The following HS6ST3 variants were observed in gnomAD, a reference collection of about 807,000 sequenced individuals.
HS6ST3 encodes heparan-sulfate 6-O-sulfotransferase 3.
Under a neutral mutation model 36.7 loss-of-function variants are expected in HS6ST3, and 12 were observed. That is an observed-to-expected ratio of 0.33 (90% CI 0.21 to 0.53). The LOEUF (loss-of-function observed/expected upper bound fraction) is 0.53. Among genes scored for constraint, HS6ST3 ranks in the 20% least tolerant of loss-of-function variants. The pLI is 0.95. For synonymous variants in HS6ST3, 240 were observed against 257.5 expected (o/e 0.93, Z 0.65); for missense variants, 584 against 640.9 (o/e 0.91, Z 0.96).
chr13:96,703,944 T>C (rs1875354470), intron 1 of HS6ST3, among the ~76,000 whole-genome samples: 1 of 152,184 alleles, frequency 6.6e-6, no homozygotes, highest in Non-Finnish European at 1.5e-5. Context: ...CAAGCTGCCA[T>C]GTAAGACATG....
At chr13:96,694,914 A>G (rs928107388) in intron 1 of HS6ST3, among the ~76,000 whole-genome samples, 9 of 152,132 alleles carry the variant, frequency 5.9e-5, no homozygotes, top group African/African-American at 1.9e-4. Flanking sequence ...GCATACTCAC[A>G]CTGATTTTTA....
chr13:96,691,534 C>G (rs1874958884), intron 1 of HS6ST3, among the ~76,000 whole-genome samples: 1 of 152,030 alleles, frequency 6.6e-6, no homozygotes, highest in Non-Finnish European at 1.5e-5. Context: ...CTAGCCAGCT[C>G]AGAAATCTCT....
At chr13:96,348,273 G>T (rs924497746) in intron 1 of HS6ST3, among the ~76,000 whole-genome samples, 1 of 152,196 alleles carries the variant, frequency 6.6e-6, no homozygotes, top group African/African-American at 2.4e-5. Context: ...ATCTTGGAAG[G>T]TGTAACATTC....
At chr13:96,733,426 A>G (rs1227873060) in intron 1 of HS6ST3, among the ~76,000 whole-genome samples, 2 of 152,190 alleles carry the variant, frequency 1.3e-5, no homozygotes, top group African/African-American at 2.4e-5. Context: ...ATTGTGCTGT[A>G]TCACATGTTA....
chr13:96,537,285 G>A (rs1248312884), intron 1 of HS6ST3, among the ~76,000 whole-genome samples: 2 of 152,072 alleles, frequency 1.3e-5, no homozygotes, highest in African/African-American at 4.8e-5. Context: ...GAACAGTATG[G>A]GGGAAACCAC....
chr13:96,137,984 A>G (rs1040410771), intron 1 of HS6ST3, among the ~76,000 whole-genome samples: 1 of 152,218 alleles, frequency 6.6e-6, no homozygotes, highest in Non-Finnish European at 1.5e-5. Flanking sequence ...TAGTTCCTGG[A>G]AAGTCTTCAG....
chr13:96,532,940 C>T (rs1459924057), intron 1 of HS6ST3, among the ~76,000 whole-genome samples: 3 of 152,130 alleles, frequency 2.0e-5, no homozygotes, highest in African/African-American at 7.2e-5. Flanking sequence ...CTTTTGCTTG[C>T]CTGATAAGAC....
intron 1 of HS6ST3, among the ~76,000 whole-genome samples, chr13:96,577,693 C>A (rs901300964): frequency 3.9e-5 from 6 of 152,230 alleles, no homozygotes; most frequent in Middle Eastern, 3.4e-3. Flanking sequence ...GACATGAACA[C>A]ACACTTCTCA....
intron 1 of HS6ST3, among the ~76,000 whole-genome samples, chr13:96,169,356 G>C (rs2054176710): frequency 6.6e-6 from 1 of 151,986 alleles, no homozygotes. Flanking sequence ...TAGGAAAACT[G>C]TTTGGTAGCA....
intron 1 of HS6ST3, among the ~76,000 whole-genome samples, chr13:96,290,197 A>C (rs546157299): frequency 1.3e-5 from 2 of 152,074 alleles, no homozygotes; most frequent in East Asian, 3.9e-4. Context: ...GCGACGTTTC[A>C]TGTTAGTCTA....
At chr13:96,408,615 A>G (rs1238610706) in intron 1 of HS6ST3, among the ~76,000 whole-genome samples, 9 of 152,130 alleles carry the variant, frequency 5.9e-5, no homozygotes, top group Non-Finnish European at 1.0e-4. Flanking sequence ...AGATGAACAC[A>G]GAAGCAAGAC....
chr13:96,177,558 T>C (rs1043623915), intron 1 of HS6ST3, among the ~76,000 whole-genome samples: 1 of 151,842 alleles, frequency 6.6e-6, no homozygotes, highest in Non-Finnish European at 1.5e-5. Flanking sequence ...ATCTAAATGA[T>C]AAGAACTGAA....
intron 1 of HS6ST3, among the ~76,000 whole-genome samples, chr13:96,735,601 A>T (rs1876263618): frequency 6.6e-6 from 1 of 152,196 alleles, no homozygotes; most frequent in South Asian, 2.1e-4. Flanking sequence ...TCATTCCTGC[A>T]ATTCAAGAGT....
intron 1 of HS6ST3, among the ~76,000 whole-genome samples, chr13:96,630,585 T>C (rs2056528671): frequency 6.6e-6 from 1 of 152,072 alleles, no homozygotes; most frequent in Non-Finnish European, 1.5e-5. Flanking sequence ...TCTATTAAGT[T>C]CCTCACTTTG....
At chr13:96,216,898 C>T (rs1211687778) in intron 1 of HS6ST3, among the ~76,000 whole-genome samples, 1 of 152,170 alleles carries the variant, frequency 6.6e-6, no homozygotes, top group Non-Finnish European at 1.5e-5. Context: ...AAAGAAAACC[C>T]GAGAAGCACA....
At chr13:96,751,858 C>T (rs2138492909) in intron 1 of HS6ST3, among the ~76,000 whole-genome samples, 1 of 148,132 alleles carries the variant, frequency 6.8e-6, no homozygotes, top group Non-Finnish European at 1.5e-5. Context: ...TACTGCATAA[C>T]ATAGCCTTCT....
At chr13:96,139,377 A>G (rs1407764275) in intron 1 of HS6ST3, among the ~76,000 whole-genome samples, 1 of 152,004 alleles carries the variant, frequency 6.6e-6, no homozygotes, top group East Asian at 1.9e-4. Context: ...AAGGATTAGA[A>G]CAAAAAGAGA....
intron 1 of HS6ST3, among the ~76,000 whole-genome samples, chr13:96,437,734 T>G (rs2055650135): frequency 6.6e-6 from 1 of 152,254 alleles, no homozygotes; most frequent in South Asian, 2.1e-4. Context: ...AGTATCTTCC[T>G]TGCTGTAGTC....
At chr13:96,677,501 A>G (rs114580742) in intron 1 of HS6ST3, among the ~76,000 whole-genome samples, 344 of 152,290 alleles carry the variant, frequency 2.3e-3, no homozygotes, top group African/African-American at 8.1e-3. Flanking sequence ...ACTTACACAT[A>G]TATATACACA....
Sources: gnomAD v4.1 joint callset for allele counts (sites outside exome capture counted in the v4.1 genomes callset) on GRCh38, gnomAD v4.1.1 for gene constraint, MANE v1.5 for transcripts, NCBI Gene and HGNC (gene_info 2026-07-23, HGNC 2026-07-21) for gene names.